PCDH7: variants seen among roughly 807,000 people sequenced by gnomAD.
PCDH7 encodes the protein protocadherin-7.
PCDH7 carries 17 observed loss-of-function variants against 58.9 expected under a neutral mutation model. That is an observed-to-expected ratio of 0.29 (90% confidence interval 0.20 to 0.43). The LOEUF is 0.43. Ranked by LOEUF, PCDH7 falls within the 20% of genes least tolerant of loss-of-function variation. The pLI, the probability that PCDH7 is intolerant of heterozygous loss-of-function variation, is 1.00. For synonymous variants in PCDH7, 664 were observed against 616.4 expected (o/e 1.08, Z -1.14); for missense variants, 1,274 against 1,441.0 (o/e 0.88, Z 1.88).
At chr4:31,056,516 AGG>A (rs200940969) in intron 3 of PCDH7, among the ~76,000 whole-genome samples, 11 of 95,070 alleles carry the variant, frequency 1.2e-4, no homozygotes, top group African/African-American at 2.5e-4. Flanking sequence ...AAAGAAAGAA[AGG>A]GGAAGGGAAG....
intron 1 of PCDH7, among the ~76,000 whole-genome samples, chr4:30,821,475 A>C (rs560697635): frequency 6.6e-6 from 1 of 152,316 alleles, no homozygotes; most frequent in Non-Finnish European, 1.5e-5. Flanking sequence ...TCCAGAAAAT[A>C]AAAATGAGGC....
In PCDH7 at chr4:30,968,025, C is replaced by T. The variant is rs182313750; in HGVS notation, c.*7+17810C>T. Among the ~76,000 whole-genome samples, 179 of 151,936 alleles carry T rather than the reference C, an allele frequency of 1.2e-3. 2 individuals carry two copies. Among genetic ancestry groups the T allele is most frequent in the Non-Finnish European group, 4.4e-4 (30 of 67,956 alleles). On this transcript the variant is annotated intron_variant, in intron 3 of 3. Transcript: ENST00000509759. ...CAGTGTCATCTACTGAAAAGTGTCT[C>T]AATATATTTTTAAAGAATAGATGTA...
intron 1 of PCDH7, among the ~76,000 whole-genome samples, chr4:30,753,431 T>C (rs1319074621): frequency 2.0e-5 from 3 of 152,240 alleles, no homozygotes; most frequent in Non-Finnish European, 2.9e-5. Context: ...TATTTTCACA[T>C]AACTTGCACA....
chr4:30,923,210 G>A (rs1743409781), intron 2 of PCDH7, among the ~76,000 whole-genome samples: 1 of 152,110 alleles, frequency 6.6e-6, no homozygotes, highest in Non-Finnish European at 1.5e-5. Context: ...ATCAGCAAGT[G>A]TTTGGGATTA....
intron 1 of PCDH7, among the ~76,000 whole-genome samples, chr4:30,908,116 G>A (rs1208978069): frequency 6.6e-6 from 1 of 151,990 alleles, no homozygotes; most frequent in Non-Finnish European, 1.5e-5. Context: ...AGGGGCTAGG[G>A]GAGGGATAGC....
chr4:31,139,208 G>A (rs1475308484), intron 3 of PCDH7, among the ~76,000 whole-genome samples: 10 of 152,152 alleles, frequency 6.6e-5, no homozygotes, highest in South Asian at 2.1e-4. Flanking sequence ...GTATGCGGGC[G>A]TTGAGAAATA....
At chr4:30,848,208 T>C (rs1037723947) in intron 1 of PCDH7, among the ~76,000 whole-genome samples, 1 of 152,142 alleles carries the variant, frequency 6.6e-6, no homozygotes, top group African/African-American at 2.4e-5. Context: ...CAATCTGAAA[T>C]CTTTGCTAGA....
At chr4:31,097,626 ATATATAT>A (rs1411150087) in intron 3 of PCDH7, among the ~76,000 whole-genome samples, 995 of 42,704 alleles carry the variant, frequency 0.023, 131 homozygotes, top group African/African-American at 0.15. Flanking sequence ...ATATATATAT[ATATATAT>A]ATATAAATCT....
chr4:30,864,544 A>G (rs1429661096), intron 1 of PCDH7, among the ~76,000 whole-genome samples: 5 of 151,952 alleles, frequency 3.3e-5, no homozygotes, highest in Admixed American at 2.6e-4. Context: ...TGTTCCTAAA[A>G]TGGTAGGATA....
chr4:31,068,994 G>A (rs996753422), intron 3 of PCDH7, among the ~76,000 whole-genome samples: 1 of 151,788 alleles, frequency 6.6e-6, no homozygotes, highest in East Asian at 1.9e-4. Context: ...AAATGTTGAG[G>A]GTAACAGAAA....
At chr4:30,750,303 T>C (rs1422961521) in intron 1 of PCDH7, among the ~76,000 whole-genome samples, 2 of 152,184 alleles carry the variant, frequency 1.3e-5, no homozygotes, top group African/African-American at 4.8e-5. Context: ...TAGTATGGGC[T>C]AGCAATTTCT....
chr4:30,739,160 TTA>T (rs542316944), intron 1 of PCDH7, among the ~76,000 whole-genome samples: 28 of 145,430 alleles, frequency 1.9e-4, no homozygotes, highest in African/African-American at 5.3e-4. Context: ...TATATATATA[TTA>T]TATATATATA....
At chr4:31,056,492 A>G (rs890875156) in intron 3 of PCDH7, among the ~76,000 whole-genome samples, 2 of 136,042 alleles carry the variant, frequency 1.5e-5, no homozygotes, top group South Asian at 2.8e-4. Flanking sequence ...AAAGAAAGAA[A>G]GAAAGAAAGA....
intron 1 of PCDH7, among the ~76,000 whole-genome samples, chr4:30,747,012 A>C (rs1221061012): frequency 6.6e-6 from 1 of 152,192 alleles, no homozygotes; most frequent in Non-Finnish European, 1.5e-5. Flanking sequence ...CAGTATAATG[A>C]ATCATTTGAA....
chr4:31,027,965 T>C (rs1754578530), intron 3 of PCDH7, among the ~76,000 whole-genome samples: 1 of 152,234 alleles, frequency 6.6e-6, no homozygotes, highest in Non-Finnish European at 1.5e-5. Flanking sequence ...GAAATTAAAT[T>C]AGCCAATTGA....
chr4:30,767,317 T>C (rs1024883252), intron 1 of PCDH7, among the ~76,000 whole-genome samples: 3 of 152,224 alleles, frequency 2.0e-5, no homozygotes, highest in African/African-American at 7.2e-5. Context: ...CTTTAATCTA[T>C]GATCTAATCG....
intron 3 of PCDH7, among the ~76,000 whole-genome samples, chr4:31,064,521 T>G (rs1757926985): frequency 6.6e-6 from 1 of 152,108 alleles, no homozygotes; most frequent in South Asian, 2.1e-4. Flanking sequence ...AAAACCAAGA[T>G]GTTGGCAAGG....
At chr4:31,035,592 T>C (rs1755342293) in intron 3 of PCDH7, among the ~76,000 whole-genome samples, 1 of 152,146 alleles carries the variant, frequency 6.6e-6, no homozygotes, top group Non-Finnish European at 1.5e-5. Context: ...TCTCTGCTTC[T>C]GTAGTGGCTG....
chr4:30,958,665 G>T (rs1308383278), intron 3 of PCDH7, among the ~76,000 whole-genome samples: 1 of 151,784 alleles, frequency 6.6e-6, no homozygotes, highest in Admixed American at 6.6e-5. Context: ...GAAGTAGTTT[G>T]CAACTGAAAT....
Sources: allele counts gnomAD v4.1 joint callset (sites outside exome capture counted in the v4.1 genomes callset), GRCh38; gene constraint gnomAD v4.1.1; transcripts MANE v1.5; gene names NCBI Gene and HGNC (gene_info 2026-07-23, HGNC 2026-07-21).